Variants in IPO11 observed in about 807,000 individuals in gnomAD.
IPO11 encodes importin-11.
Under a neutral mutation model 143.2 loss-of-function variants are expected in IPO11, and 66 were observed. That is an observed-to-expected ratio of 0.46 (90% CI 0.38 to 0.57). IPO11 has a LOEUF of 0.57. Ranked by LOEUF, IPO11 falls within the 20% of genes least tolerant of loss-of-function variation. The pLI, the probability that IPO11 is intolerant of heterozygous loss-of-function variation, is 0.00. For missense variants in IPO11, 1,026 were observed against 1,141.0 expected (o/e 0.90, Z 1.45); for synonymous variants, 385 against 377.8 (o/e 1.02, Z -0.22).
intron 24 of IPO11, among the ~76,000 whole-genome samples, chr5:62,538,945 T>A (rs1742830704): frequency 6.6e-6 from 1 of 152,244 alleles, no homozygotes. Context: ...TAGGATTGTC[T>A]GCTGAGCATG....
At chr5:62,482,232 AC>A (rs1455918215) in intron 9 of IPO11, among the ~76,000 whole-genome samples, 5 of 152,090 alleles carry the variant, frequency 3.3e-5, no homozygotes, top group Non-Finnish European at 5.9e-5. Context: ...TTTTCAAAAA[AC>A]CAGCTCCTGG....
intron 1 of IPO11, among the ~76,000 whole-genome samples, chr5:62,433,466 G>A (rs1373466135): frequency 1.3e-5 from 2 of 152,110 alleles, no homozygotes; most frequent in Non-Finnish European, 2.9e-5. Context: ...TGGTAGAAAC[G>A]TACTTTTCAC....
chr5:62,465,620 A>T (rs1004680772), intron 5 of IPO11, among the ~76,000 whole-genome samples: 1 of 152,204 alleles, frequency 6.6e-6, no homozygotes, highest in South Asian at 2.1e-4. Context: ...ATTAGTATTC[A>T]ACAGTTTGAT....
chr5:62,618,581 A>G (rs1381691562), intron 29 of IPO11, among the ~76,000 whole-genome samples: 1 of 152,212 alleles, frequency 6.6e-6, no homozygotes, highest in African/African-American at 2.4e-5. Context: ...TGGAAGAATA[A>G]ACATAAAATA....
At chr5:62,517,251 A>G (rs1201380038) in intron 20 of IPO11, among the ~76,000 whole-genome samples, 3 of 152,164 alleles carry the variant, frequency 2.0e-5, no homozygotes, top group Admixed American at 2.0e-4. Context: ...CTACCTTTTA[A>G]TGCTTATGAT....
At chr5:62,578,048 A>G (rs1744386910) in intron 27 of IPO11, among the ~76,000 whole-genome samples, 1 of 152,096 alleles carries the variant, frequency 6.6e-6, no homozygotes, top group Non-Finnish European at 1.5e-5. Context: ...TTTTGTTCTA[A>G]AAGATTCAAA....
chr5:62,438,047 C>G (rs1744304083), intron 2 of IPO11, among the ~76,000 whole-genome samples: 1 of 152,206 alleles, frequency 6.6e-6, no homozygotes, highest in South Asian at 2.1e-4. Flanking sequence ...AAATTGAGAA[C>G]TCTGATTAGT....
chr5:62,522,355 G>T (rs1198244627), intron 20 of IPO11, among the ~76,000 whole-genome samples: 1 of 151,804 alleles, frequency 6.6e-6, no homozygotes, highest in African/African-American at 2.4e-5. Flanking sequence ...TACGATCTTG[G>T]CTCACTGCAA....
intron 27 of IPO11, chr5:62,581,473 A>G (rs941560066): frequency 4.3e-5 from 26 of 609,096 alleles, no homozygotes; most frequent in Admixed American, 1.1e-4. Flanking sequence ...TCATTTAGCA[A>G]ATATTTTCTT....
intron 20 of IPO11, among the ~76,000 whole-genome samples, chr5:62,524,976 A>G (rs1421306383): frequency 6.6e-6 from 1 of 152,174 alleles, no homozygotes; most frequent in Non-Finnish European, 1.5e-5. Context: ...TTTTCTTCCA[A>G]AATACCTACT....
chr5:62,546,162 A>G (rs556236487), intron 24 of IPO11, among the ~76,000 whole-genome samples: 167 of 152,280 alleles, frequency 1.1e-3, no homozygotes, highest in African/African-American at 3.7e-3. Context: ...TGTTTATTGC[A>G]GCACTATTCA....
intron 24 of IPO11, among the ~76,000 whole-genome samples, chr5:62,549,490 A>G (rs1397894945): frequency 6.6e-6 from 1 of 152,140 alleles, no homozygotes; most frequent in East Asian, 1.9e-4. Context: ...TCTTCATACA[A>G]AATGTCAGTA....
At chr5:62,542,963 C>T (rs767159) in intron 24 of IPO11, among the ~76,000 whole-genome samples, 70,996 of 151,962 alleles carry the variant, frequency 0.47, 16,773 homozygotes, top group South Asian at 0.53. Context: ...TAGCATTTAA[C>T]ATATGCTACA....
chr5:62,497,039 C>G (rs893071216), intron 16 of IPO11, among the ~76,000 whole-genome samples: 2 of 152,148 alleles, frequency 1.3e-5, no homozygotes, highest in Admixed American at 6.5e-5. Context: ...CCTGATGAAT[C>G]GAATTCCTCT....
chr5:62,605,468 T>G (rs1220083675), intron 29 of IPO11, among the ~76,000 whole-genome samples: 1 of 152,192 alleles, frequency 6.6e-6, no homozygotes, highest in Non-Finnish European at 1.5e-5. Context: ...AAATAATACT[T>G]AGAATAGCAC....
chr5:62,440,925 T>C (rs1413459385), intron 2 of IPO11, among the ~76,000 whole-genome samples: 1 of 151,500 alleles, frequency 6.6e-6, no homozygotes, highest in East Asian at 2.0e-4. Context: ...ATCGCGCCAC[T>C]GCACTCCAGT....
At chr5:62,449,541 T>A (rs1237097812) in intron 3 of IPO11, among the ~76,000 whole-genome samples, 1 of 151,998 alleles carries the variant, frequency 6.6e-6, no homozygotes, top group Non-Finnish European at 1.5e-5. Context: ...AGGCAACTAT[T>A]TTTACATCAA....
chr5:62,467,667 G>T (rs991367415), intron 6 of IPO11, among the ~76,000 whole-genome samples: 1 of 152,010 alleles, frequency 6.6e-6, no homozygotes, highest in African/African-American at 2.4e-5. Context: ...CCCTGGAAAG[G>T]CAAGCCTCCA....
intron 1 of IPO11, among the ~76,000 whole-genome samples, chr5:62,423,372 ATTCT>A (rs776624137): frequency 2.6e-4 from 40 of 152,350 alleles, no homozygotes; most frequent in Non-Finnish European, 3.8e-4. Flanking sequence ...GTAAAACATC[ATTCT>A]TTCCTTTAAA....
Sources: allele counts gnomAD v4.1 joint callset (sites outside exome capture counted in the v4.1 genomes callset), GRCh38; gene constraint gnomAD v4.1.1; transcripts MANE v1.5; gene names NCBI Gene and HGNC (gene_info 2026-07-23, HGNC 2026-07-21).